The following RNF150 variants were observed in gnomAD, a reference collection of about 807,000 sequenced individuals.
RNF150 encodes the protein ring finger protein 150.
A neutral mutation model predicts 39.3 loss-of-function variants in RNF150; 24 were observed. The ratio of observed to expected loss-of-function variants is 0.61; its 90% CI spans 0.44 to 0.86. The LOEUF (loss-of-function observed/expected upper bound fraction) is 0.86. Among genes scored for constraint, RNF150 ranks in the 40% least tolerant of loss-of-function variants. The pLI, the probability that RNF150 is intolerant of heterozygous loss-of-function variation, is 0.00. For missense variants in RNF150, 502 were observed against 587.8 expected (o/e 0.85, Z 1.51); for synonymous variants, 255 against 227.3 (o/e 1.12, Z -1.10).
chr4:141,098,521 G>T (rs563573196), intron 1 of RNF150, among the ~76,000 whole-genome samples: 2 of 152,354 alleles, frequency 1.3e-5, no homozygotes, highest in South Asian at 2.1e-4. Flanking sequence ...ACTGACTAGA[G>T]ATATGATCTT....
At chr4:140,968,511 G>T (rs887607960) in intron 1 of RNF150, among the ~76,000 whole-genome samples, 1 of 151,810 alleles carries the variant, frequency 6.6e-6, no homozygotes, top group East Asian at 1.9e-4. Flanking sequence ...AATGGAAACA[G>T]CATGTTTCCA....
At chr4:140,979,725 T>C (rs1359890679) in intron 1 of RNF150, among the ~76,000 whole-genome samples, 1 of 152,108 alleles carries the variant, frequency 6.6e-6, no homozygotes, top group Non-Finnish European at 1.5e-5. Context: ...TAGGGACCTC[T>C]GAAAACAGCT....
intron 1 of RNF150, among the ~76,000 whole-genome samples, chr4:141,119,217 T>C (rs1282138962): frequency 6.6e-6 from 1 of 152,260 alleles, no homozygotes; most frequent in Non-Finnish European, 1.5e-5. Context: ...CCTGACCTAC[T>C]TTACTGGTCA....
At chr4:141,170,970 C>T (rs7663005) in intron 1 of RNF150, among the ~76,000 whole-genome samples, 56,907 of 151,954 alleles carry the variant, frequency 0.37, 13,003 homozygotes, top group Non-Finnish European at 0.5. Context: ...CATCCAAGGC[C>T]TGTGCTAGAA....
At position 140,966,730 on chromosome 4, in the gene RNF150, G is replaced by A. The variant is rs140665406; in HGVS notation, c.735+893C>T. Among the ~76,000 whole-genome samples the A allele has an allele frequency of 3.3e-3, 506 of 152,262 alleles. 4 individuals are homozygous for A. Among genetic ancestry groups the A allele is most frequent in the African/African-American group, 0.012 (492 of 41,574 alleles). ...AAACAGTAATTTTCATATATAGTTT[G>A]TTAAAGTGTAAATTGGTTCAACATT... On this transcript the variant is annotated intron_variant, in intron 2 of 6. Transcript: ENST00000515673.
At chr4:141,184,309 G>C (rs1224410244) in intron 1 of RNF150, among the ~76,000 whole-genome samples, 1 of 152,176 alleles carries the variant, frequency 6.6e-6, no homozygotes, top group Admixed American at 6.5e-5. Flanking sequence ...GTCTTCTTTT[G>C]AGAACTTTCT....
At chr4:141,146,663 C>G (rs978523153) in intron 1 of RNF150, among the ~76,000 whole-genome samples, 5 of 152,132 alleles carry the variant, frequency 3.3e-5, no homozygotes, top group Non-Finnish European at 5.9e-5. Flanking sequence ...TTACTGTACT[C>G]TCATCCCTTT....
intron 4 of RNF150, among the ~76,000 whole-genome samples, chr4:140,927,889 T>A (rs1398381132): frequency 6.6e-6 from 1 of 151,956 alleles, no homozygotes; most frequent in African/African-American, 2.4e-5. Context: ...CCTCAAGTGA[T>A]CTGCCCACCT....
At chr4:140,877,028 CCCTGTATATTAAATTAGAAG>C (rs1243149017) in intron 6 of RNF150, among the ~76,000 whole-genome samples, 6 of 152,148 alleles carry the variant, frequency 3.9e-5, no homozygotes, top group African/African-American at 1.2e-4. Context: ...AAGGAGAATT[CCCTGTATATTAAATTAGAAG>C]CCTGTATATT....
At chr4:141,173,438 CACA>C in intron 1 of RNF150, among the ~76,000 whole-genome samples, 1 of 152,280 alleles carries the variant, frequency 6.6e-6, no homozygotes, top group South Asian at 2.1e-4. Context: ...AAACATTCCC[CACA>C]ACAACGCTGA....
rs563281815 is a variant in RNF150, at chr4:140,924,045, A to G, written c.987+1932T>C. ...TAAATGATGAGTTAGTGGGTGCAGC[A>G]CACCAACATAGCACATGTATACACA... On this transcript the variant is annotated intron_variant, in intron 5 of 6. Transcript: ENST00000515673. Among the ~76,000 whole-genome samples the G allele has an allele frequency of 3.9e-5, 6 of 152,278 alleles. No homozygotes were observed. In the South Asian group the frequency reaches 1.2e-3, roughly 32 times the overall value.
At chr4:141,048,892 C>A (rs1371048509) in intron 1 of RNF150, among the ~76,000 whole-genome samples, 1 of 152,130 alleles carries the variant, frequency 6.6e-6, no homozygotes, top group Non-Finnish European at 1.5e-5. Context: ...TGATTGAAGC[C>A]AACATAATAC....
chr4:140,934,798 A>T (rs1310411220), intron 4 of RNF150, among the ~76,000 whole-genome samples: 1 of 151,604 alleles, frequency 6.6e-6, no homozygotes, highest in Non-Finnish European at 1.5e-5. Flanking sequence ...CTGGCCCAGA[A>T]GTCAGAAAAC....
At chr4:140,914,852 T>C (rs1730749999) in intron 5 of RNF150, among the ~76,000 whole-genome samples, 1 of 152,264 alleles carries the variant, frequency 6.6e-6, no homozygotes, top group African/African-American at 2.4e-5. Flanking sequence ...TAGTTCATTG[T>C]AGAGAAATCA....
intron 1 of RNF150, among the ~76,000 whole-genome samples, chr4:141,088,414 C>A (rs1738450557): frequency 6.6e-6 from 1 of 152,140 alleles, no homozygotes; most frequent in Non-Finnish European, 1.5e-5. Context: ...TTGAAAGAAC[C>A]TGAACCTGTT....
At chr4:141,135,560 G>A (rs559212565), upstream of RNF150, among the ~76,000 whole-genome samples, 6 of 152,324 alleles carry the variant, frequency 3.9e-5, no homozygotes, top group East Asian at 1.9e-4. Flanking sequence ...GCATGAATCC[G>A]TGCTAATGTT....
chr4:140,905,044 T>C (rs1365531604), intron 6 of RNF150, among the ~76,000 whole-genome samples: 1 of 152,142 alleles, frequency 6.6e-6, no homozygotes, highest in African/African-American at 2.4e-5. Flanking sequence ...TCTTTGGAAG[T>C]TTTTCCTATA....
intron 1 of RNF150, among the ~76,000 whole-genome samples, chr4:141,011,353 T>C (rs1347402116): frequency 6.6e-6 from 1 of 152,130 alleles, no homozygotes; most frequent in Non-Finnish European, 1.5e-5. Context: ...CACCTGAAAT[T>C]CCCTTCCCTA....
intron 4 of RNF150, among the ~76,000 whole-genome samples, chr4:140,928,963 G>A (rs57537917): frequency 0.034 from 5,118 of 152,204 alleles, 194 homozygotes; most frequent in African/African-American, 0.089. Flanking sequence ...CAAAATCCTC[G>A]TTTGCTTGAT....
Sources: allele counts gnomAD v4.1 joint callset (sites outside exome capture counted in the v4.1 genomes callset), GRCh38; gene constraint gnomAD v4.1.1; transcripts MANE v1.5; gene names NCBI Gene and HGNC (gene_info 2026-07-23, HGNC 2026-07-21).